Variants in PPP1R11 observed in about 807,000 individuals in gnomAD.
PPP1R11 encodes E3 ubiquitin-protein ligase PPP1R11.
PPP1R11 carries 10 observed loss-of-function variants against 11.3 expected under a neutral mutation model. The observed-to-expected ratio is 0.88, with a 90% CI of 0.55 to 1.50. PPP1R11 has a LOEUF of 1.50. Ranked by LOEUF, PPP1R11 falls within the 40% of genes most tolerant of loss-of-function variation. The pLI is 0.00. For missense variants in PPP1R11, 114 were observed against 179.1 expected, an observed-to-expected ratio of 0.64 and a Z score of 2.07; for synonymous variants, 56 against 62.3, an observed-to-expected ratio of 0.90 and a Z score of 0.48.
upstream of PPP1R11, among the ~76,000 whole-genome samples, chr6:30,064,307 T>A (rs953108160): frequency 1.6e-4 from 24 of 151,104 alleles, no homozygotes; most frequent in African/African-American, 5.8e-4. Context: ...AAAAAAAAAT[T>A]TTTTTTAAAT....
chr6:30,062,423 CT>C (rs1385615763), upstream of PPP1R11: 3 of 843,788 alleles, frequency 3.6e-6, no homozygotes, highest in Non-Finnish European at 5.9e-6. Flanking sequence ...GGCCGTTTCC[CT>C]TGGTCCCATC....
chr6:30,065,140 A>G (rs16896970), upstream of PPP1R11, among the ~76,000 whole-genome samples: 7,936 of 152,320 alleles, frequency 0.052, 364 homozygotes, highest in East Asian at 0.19. This position sits in a 1 kb window ranked among gnomAD's most constrained non-coding sequence, Gnocchi z 5.3. Context: ...GACATTTAAC[A>G]GAAATTTTAA....
At chr6:30,062,280 G>A (rs10745), upstream of PPP1R11, 78,973 of 1,612,958 alleles carry the variant, frequency 0.049, 2,395 homozygotes, top group East Asian at 0.07. Flanking sequence ...ACACCAGACA[G>A]ATGCGTTCAG....
intron 1 of PPP1R11, 39 bp from the exon 2 acceptor site, chr6:30,068,551 G>A: frequency 6.5e-7 from 1 of 1,549,092 alleles, no homozygotes; most frequent in Non-Finnish European, 8.9e-7. Context: ...AGGTTAGTAA[G>A]AGGGGACTAG....
chr6:30,067,040 T>A (rs1319226856), upstream of PPP1R11: 2 of 252,922 alleles, frequency 7.9e-6, no homozygotes, highest in Admixed American at 1.0e-4. Flanking sequence ...AGACTCTCCC[T>A]CCTCCACCCA....
chr6:30,064,862 T>C (rs1324228326), upstream of PPP1R11: 1 of 458,462 alleles, frequency 2.2e-6, no homozygotes, highest in Non-Finnish European at 3.8e-6. Context: ...CTCCTACCCT[T>C]AGTTGAATTT....
intron 2 of PPP1R11, 115 bp from the exon 3 acceptor site, chr6:30,068,989 T>A (rs1353365420): frequency 1.2e-5 from 13 of 1,128,888 alleles, no homozygotes; most frequent in Non-Finnish European, 1.3e-5. Flanking sequence ...CTGGGGAAGC[T>A]GGATCCTGGA....
At chr6:30,061,444 C>T in the PPP1R11 span, 1 of 1,523,878 alleles carries the variant, frequency 6.6e-7, no homozygotes, top group African/African-American at 1.4e-5. This position sits in a 1 kb window ranked among gnomAD's most constrained non-coding sequence, Gnocchi z 5.0. Context: ...GGTCCTGGGA[C>T]AGAATAGTTA....
rs574494493 is a variant in PPP1R11, at chr6:30,067,394, T to A, written c.-17T>A. 1 of 1,612,490 alleles carries A rather than the reference T, an allele frequency of 6.2e-7. No homozygotes were observed. Among genetic ancestry groups the A allele is most frequent in the African/African-American group, 1.3e-5 (1 of 74,986 alleles). ...TCATCCCCCTTCCTCCTCTCCTCCC[T>A]GTCCTGAGCCTTAGCCATGGCCGAG... On this transcript the variant is annotated 5_prime_UTR_variant, in exon 1 of 3. Transcript: ENST00000376772.
chr6:30,062,030 G>C, upstream of PPP1R11: 1 of 1,610,062 alleles, frequency 6.2e-7, no homozygotes, highest in Non-Finnish European at 8.5e-7. Context: ...AAGCTAATGA[G>C]ATCAAGAACT....
chr6:30,069,382 C>T lies in PPP1R11; in HGVS notation c.*76C>T. The T allele has an allele frequency of 8.9e-7, 1 of 1,126,960 alleles. No homozygotes were observed. The allele number at this position is 1,126,960 out of a possible 1,614,324, so 69.8% of individuals were successfully genotyped here. ...ATGTGGCTACTTCTCCAGCCCCCTCCTTCCCTCTCTTCTGCCTGATAGAGG... is the reference window on the plus strand; with the variant it reads ...ATGTGGCTACTTCTCCAGCCCCCTCTTTCCCTCTCTTCTGCCTGATAGAGG... On this transcript the variant is annotated 3_prime_UTR_variant, in exon 3 of 3. Transcript: ENST00000376772. The surrounding 1 kb of genome is among the most constrained non-coding windows in gnomAD (Gnocchi z 6.6).
upstream of PPP1R11, chr6:30,067,110 T>C (rs1431610441): frequency 2.5e-6 from 1 of 399,578 alleles, no homozygotes; most frequent in East Asian, 3.9e-5. Context: ...GCCTGCGCGC[T>C]GTCACGTTAC....
At chr6:30,066,772 C>G (rs1319530599), upstream of PPP1R11, 1 of 152,664 alleles carries the variant, frequency 6.6e-6, no homozygotes, top group Non-Finnish European at 1.5e-5. Context: ...TCCAACTGCT[C>G]CCACTTCCCG....
In PPP1R11 at chr6:30,067,249, G is replaced by T. The variant is rs867767321; in HGVS notation, c.-162G>T. ...AGTGGGGTTAGCCAGGTTATCCCCAGGGGTGGAGAAGCGGAGGCCCAGGAG... is the reference window on the plus strand; with the variant it reads ...AGTGGGGTTAGCCAGGTTATCCCCATGGGTGGAGAAGCGGAGGCCCAGGAG... On this transcript the variant is annotated 5_prime_UTR_variant, in exon 1 of 3. In the 5' UTR this introduces an upstream ATG that the reference lacks. Coordinates refer to ENST00000376772, the MANE Select transcript of PPP1R11 (RefSeq NM_021959.3). 2.3e-5 allele frequency: 16 copies of T among 703,894 alleles called. No homozygotes were observed. In the Middle Eastern group the frequency reaches 3.0e-3, roughly 132 times the overall value. The allele number at this position is 703,894 out of a possible 1,614,324, so 43.6% of individuals were successfully genotyped here.
upstream of PPP1R11, chr6:30,062,246 G>A (rs761649008): frequency 1.9e-6 from 3 of 1,613,060 alleles, no homozygotes; most frequent in East Asian, 6.7e-5. Context: ...TGCCCTCGAT[G>A]TGGTCATGAA....
upstream of PPP1R11, chr6:30,064,654 G>A: frequency 5.0e-6 from 8 of 1,605,150 alleles, no homozygotes; most frequent in Non-Finnish European, 6.8e-6. Flanking sequence ...AATATAACAA[G>A]TCCTTTCTTT....
At chr6:30,062,170 G>C, upstream of PPP1R11, 1 of 1,506,958 alleles carries the variant, frequency 6.6e-7, no homozygotes, top group South Asian at 1.1e-5. Flanking sequence ...CCTGATTCCT[G>C]TGGGAAGTAA....
At chr6:30,066,489 A>G (rs1275457521), upstream of PPP1R11, among the ~76,000 whole-genome samples, 1 of 152,238 alleles carries the variant, frequency 6.6e-6, no homozygotes, top group Non-Finnish European at 1.5e-5. Context: ...GAGAACGAAT[A>G]TGTTGGCAGT....
Position 30,067,322 on chromosome 6 carries a change from G to C in PPP1R11, c.-89G>C, listed in dbSNP as rs990923988. ...GGATCCTGGCTACCACTCTGAATCC[G>C]ATACCGCTTCTCTTAGACCTCAGCG... On this transcript the variant is annotated 5_prime_UTR_variant, in exon 1 of 3. Transcript: ENST00000376772. 1.8e-5 allele frequency: 25 copies of C among 1,373,248 alleles called. No individual in the cohort carries two copies. The African/African-American group carries it at 3.4e-4, about 19-fold the overall frequency. 85.1% of individuals were successfully genotyped at this position (1,373,248 alleles called of 1,614,324 possible).
Sources: allele counts gnomAD v4.1 joint callset (sites outside exome capture counted in the v4.1 genomes callset), GRCh38; gene constraint gnomAD v4.1.1; non-coding constraint Gnocchi (gnomAD v3.1); transcripts MANE v1.5; gene names NCBI Gene and HGNC (gene_info 2026-07-23, HGNC 2026-07-21).